TBL1X: variants seen among roughly 807,000 people sequenced by gnomAD.
TBL1X encodes the protein F-box-like/WD repeat-containing protein TBL1X.
In TBL1X, 10 loss-of-function variants were observed where a neutral mutation model predicts 50.7. The observed-to-expected ratio is 0.20, with a 90% CI of 0.12 to 0.33. TBL1X has a LOEUF of 0.33. TBL1X is among the 10% of genes least tolerant of loss of function. The pLI, the probability that TBL1X is intolerant of heterozygous loss-of-function variation, is 1.00. For missense variants in TBL1X, 340 were observed against 504.4 expected, an observed-to-expected ratio of 0.67 and a Z score of 3.12; for synonymous variants, 190 against 214.7, an observed-to-expected ratio of 0.88 and a Z score of 1.01.
chrX:9,491,539 G>A (rs1295989024), intron 1 of TBL1X, among the ~76,000 whole-genome samples: 11 of 106,972 alleles, frequency 1.0e-4, no homozygotes, highest in South Asian at 4.3e-4. Flanking sequence ...CAGTGATCAC[G>A]CTTTATATTT....
chrX:9,471,800 A>G (rs1433678400), intron 1 of TBL1X, among the ~76,000 whole-genome samples: 1 of 111,076 alleles, frequency 9.0e-6, no homozygotes, highest in Non-Finnish European at 1.9e-5. Flanking sequence ...CATTTTTCCT[A>G]TCGTGGTGGA....
chrX:9,652,667 G>C (rs1206405438), intron 3 of TBL1X, among the ~76,000 whole-genome samples: 2 of 111,032 alleles, frequency 1.8e-5, no homozygotes, highest in African/African-American at 6.6e-5. Flanking sequence ...CACCAGCCTG[G>C]GTAAAACCTT....
At chrX:9,529,490 G>T (rs755633557) in intron 2 of TBL1X, among the ~76,000 whole-genome samples, 1 of 111,965 alleles carries the variant, frequency 8.9e-6, no homozygotes, top group African/African-American at 3.2e-5. Flanking sequence ...GACCCCAGAT[G>T]TGGGTGCAGG....
At chrX:9,566,120 G>A (rs2082350235) in intron 2 of TBL1X, among the ~76,000 whole-genome samples, 1 of 111,816 alleles carries the variant, frequency 8.9e-6, no homozygotes, top group Admixed American at 9.4e-5. Flanking sequence ...TTAAAAGCAG[G>A]GTTTCACAAC....
chrX:9,694,130 T>C, intron 11 of TBL1X, among the ~76,000 whole-genome samples: 1 of 109,779 alleles, frequency 9.1e-6, no homozygotes. Flanking sequence ...CAAGGCTGGC[T>C]GGAGTCATGA....
chrX:9,540,075 T>C (rs193109203), intron 2 of TBL1X, among the ~76,000 whole-genome samples: 8 of 112,401 alleles, frequency 7.1e-5, no homozygotes, highest in Non-Finnish European at 1.9e-5. Context: ...AGTGTTACAG[T>C]TTAAAATGAA....
chrX:9,470,299 G>A (rs1355532840), intron 1 of TBL1X, among the ~76,000 whole-genome samples: 2 of 112,837 alleles, frequency 1.8e-5, no homozygotes, highest in Non-Finnish European at 3.7e-5. Flanking sequence ...TTGAGACGGA[G>A]TCTCACTATG....
At chrX:9,491,339 T>TATA (rs1491249258) in intron 1 of TBL1X, among the ~76,000 whole-genome samples, 95 of 19,198 alleles carry the variant, frequency 4.9e-3, no homozygotes, top group East Asian at 8.6e-3. Flanking sequence ...TATATATATA[T>TATA]TTTTTTTTTT....
chrX:9,521,942 G>A (rs2082108896), intron 2 of TBL1X, among the ~76,000 whole-genome samples: 3 of 111,147 alleles, frequency 2.7e-5, no homozygotes, highest in African/African-American at 9.8e-5. Flanking sequence ...CTGAAATGTG[G>A]CTCATGCAAC....
rs2082247075 is a variant in TBL1X, at chrX:9,546,971, A to G, written c.-131+45122A>G. Among the ~76,000 whole-genome samples, 3 of 105,061 alleles carry G rather than the reference A, an allele frequency of 2.9e-5. No individual in the cohort carries two copies. In the South Asian group the frequency reaches 1.3e-3, roughly 47 times the overall value. The allele number at this position is 105,061 out of a possible 115,157, so 91.2% of individuals were successfully genotyped here. Reference sequence around the variant, plus strand: ...GTAGCTGGGACTACAGGCGCCCGCTACCACGCCCGGCTAATTTTTTGTATT... The same window carrying G: ...GTAGCTGGGACTACAGGCGCCCGCTGCCACGCCCGGCTAATTTTTTGTATT... On this transcript the variant is annotated intron_variant, in intron 2 of 17. Coordinates refer to ENST00000645353, the MANE Select transcript of TBL1X (RefSeq NM_005647.4).
At chrX:9,472,290 A>AT (rs2081820257) in intron 1 of TBL1X, among the ~76,000 whole-genome samples, 1 of 110,149 alleles carries the variant, frequency 9.1e-6, no homozygotes, top group Admixed American at 9.7e-5. Flanking sequence ...TTATTTATGT[A>AT]TTTTTAGAGA....
At chrX:9,704,921 C>T (rs2083197926) in intron 12 of TBL1X, 72 bp from the exon 13 acceptor site, 2 of 1,191,252 alleles carry the variant, frequency 1.7e-6, no homozygotes, top group Non-Finnish European at 1.1e-6. Context: ...CTTGATTGTG[C>T]TGTTCATTGT....
At chrX:9,580,442 C>T (rs1222580235) in intron 2 of TBL1X, among the ~76,000 whole-genome samples, 1 of 111,857 alleles carries the variant, frequency 8.9e-6, no homozygotes, top group Non-Finnish European at 1.9e-5. Flanking sequence ...TGTATTCTTA[C>T]GAGTTTCTGA....
chrX:9,654,369 T>C (rs764823206), intron 5 of TBL1X, 47 bp downstream of exon 5: 1 of 1,145,965 alleles, frequency 8.7e-7, no homozygotes, highest in East Asian at 3.0e-5. Context: ...CTACAGCATC[T>C]TACAAGCAGA....
intron 2 of TBL1X, among the ~76,000 whole-genome samples, chrX:9,612,147 C>G (rs1035120032): frequency 2.7e-5 from 3 of 112,505 alleles, no homozygotes; most frequent in Non-Finnish European, 5.6e-5. Context: ...GAAGGCTAGT[C>G]TTCAGCGAGA....
chrX:9,484,937 A>C (rs1347666270), intron 1 of TBL1X, among the ~76,000 whole-genome samples: 4 of 108,078 alleles, frequency 3.7e-5, no homozygotes, highest in Non-Finnish European at 7.7e-5. Context: ...AAAAAAAAAA[A>C]AAAATTAGCC....
rs76606774 is a variant in TBL1X at position 9,564,732 on chromosome X, A to C, written c.-131+62883A>C. On this transcript the variant is annotated intron_variant, in intron 2 of 17. Transcript: ENST00000645353. ...TGGTGACAGAGCAAGACTCTGTCTC[A>C]AAAAAAAAAAAAGAAATTTTAGGAG... Among the ~76,000 whole-genome samples the C allele has an allele frequency of 3.5e-3, 340 of 96,815 alleles. 2 individuals carry two copies. Among genetic ancestry groups the C allele is most frequent in the African/African-American group, 0.014 (321 of 23,636 alleles). The allele number at this position is 96,815 out of a possible 115,157, so 84.1% of individuals were successfully genotyped here.
At chrX:9,692,342 A>T (rs2083103393) in intron 9 of TBL1X, 88 bp downstream of exon 9, 9 of 1,085,807 alleles carry the variant, frequency 8.3e-6, no homozygotes, top group Non-Finnish European at 1.1e-5. Context: ...GCCCATGCAG[A>T]CATAGGAGGC....
intron 2 of TBL1X, among the ~76,000 whole-genome samples, chrX:9,510,916 A>G (rs2082052384): frequency 9.0e-6 from 1 of 111,345 alleles, no homozygotes; most frequent in Admixed American, 9.6e-5. Flanking sequence ...GTTCCTTAGA[A>G]TCTGTCCATC....
Sources: allele counts gnomAD v4.1 joint callset (sites outside exome capture counted in the v4.1 genomes callset), GRCh38; gene constraint gnomAD v4.1.1; transcripts MANE v1.5; gene names NCBI Gene and HGNC (gene_info 2026-07-23, HGNC 2026-07-21).